PPM1E: variants seen among roughly 807,000 people sequenced by gnomAD.
The protein encoded by PPM1E is protein phosphatase 1E.
PPM1E carries 20 observed loss-of-function variants against 65.9 expected under a neutral mutation model. The observed-to-expected ratio is 0.30, with a 90% CI of 0.21 to 0.44. The LOEUF (loss-of-function observed/expected upper bound fraction) is 0.44. Ranked by LOEUF, PPM1E falls within the 20% of genes least tolerant of loss-of-function variation. PPM1E has a pLI of 1.00. For missense variants in PPM1E, 713 were observed against 953.1 expected (o/e 0.75, Z 3.32); for synonymous variants, 352 against 374.9 (o/e 0.94, Z 0.70).
At chr17:58,910,195 A>T (rs529533049) in intron 1 of PPM1E, among the ~76,000 whole-genome samples, 26 of 151,398 alleles carry the variant, frequency 1.7e-4, no homozygotes, top group South Asian at 1.5e-3. Flanking sequence ...TGTTTTTTTC[A>T]GTCCTTATTT....
At chr17:58,790,357 G>A (rs1488119515) in intron 1 of PPM1E, among the ~76,000 whole-genome samples, 2 of 151,948 alleles carry the variant, frequency 1.3e-5, no homozygotes, top group African/African-American at 2.4e-5. Context: ...TGCCCAGCGC[G>A]GCTCTTGTCT....
At chr17:58,929,407 A>G (rs1441136241) in intron 1 of PPM1E, among the ~76,000 whole-genome samples, 1 of 152,188 alleles carries the variant, frequency 6.6e-6, no homozygotes, top group Non-Finnish European at 1.5e-5. Context: ...CCAAAATTCA[A>G]TGCATGTATA....
At chr17:58,928,702 A>AT (rs138970237) in intron 1 of PPM1E, among the ~76,000 whole-genome samples, 10,708 of 140,472 alleles carry the variant, frequency 0.076, 855 homozygotes, top group African/African-American at 0.2. Context: ...TCACACACGA[A>AT]TTTTTTTTTT....
In PPM1E at chr17:58,759,302, C is replaced by G. The variant is rs148724020; in HGVS notation, c.464+2841C>G. 5.7e-3 allele frequency among the ~76,000 whole-genome samples: 869 copies of G among 152,148 alleles called. 4 individuals carry two copies. The highest frequency in any genetic ancestry group is 9.3e-3 in the African/African-American group (384 of 41,500). ...TTTACTCCTTTCTCTAAGTTTAAATCCCCCAAGAGATTAAAATAATTTCAA... is the reference window on the plus strand; with the variant it reads ...TTTACTCCTTTCTCTAAGTTTAAATGCCCCAAGAGATTAAAATAATTTCAA... On this transcript the variant is annotated intron_variant, in intron 1 of 6. Transcript: ENST00000308249.
At chr17:58,874,645 G>A (rs1332746494) in intron 1 of PPM1E, among the ~76,000 whole-genome samples, 1 of 152,010 alleles carries the variant, frequency 6.6e-6, no homozygotes. Flanking sequence ...GTACTTATGG[G>A]GTCTTTTGAG....
At chr17:58,843,589 C>T (rs1048427400) in intron 1 of PPM1E, among the ~76,000 whole-genome samples, 20 of 151,994 alleles carry the variant, frequency 1.3e-4, no homozygotes, top group Non-Finnish European at 2.8e-4. Flanking sequence ...CTTTGGGAGG[C>T]CGAGGCAAGC....
At chr17:58,976,591 GA>G (rs1291893168) in intron 6 of PPM1E, among the ~76,000 whole-genome samples, 1 of 152,194 alleles carries the variant, frequency 6.6e-6, no homozygotes, top group Admixed American at 6.5e-5. Context: ...AAAGTTGACA[GA>G]GGCATGATAT....
chr17:58,972,946 T>C (rs770432338), intron 6 of PPM1E, 21 bp downstream of exon 6: 11 of 1,589,826 alleles, frequency 6.9e-6, no homozygotes, highest in South Asian at 1.1e-5. Flanking sequence ...CAAATTTTTG[T>C]TTCTCCAAAC....
chr17:58,899,182 A>G (rs1404724469), intron 1 of PPM1E, among the ~76,000 whole-genome samples: 3 of 151,980 alleles, frequency 2.0e-5, no homozygotes, highest in Admixed American at 2.0e-4. Context: ...AAAACAAAAA[A>G]GAATGAAAAA....
At chr17:58,912,182 G>A (rs117536417) in intron 1 of PPM1E, among the ~76,000 whole-genome samples, 156 of 152,226 alleles carry the variant, frequency 1.0e-3, no homozygotes, top group Middle Eastern at 3.4e-3. Flanking sequence ...AGGTATGTTC[G>A]GATATGTCTG....
At chr17:58,799,659 G>A (rs1416319181) in intron 1 of PPM1E, among the ~76,000 whole-genome samples, 1 of 152,164 alleles carries the variant, frequency 6.6e-6, no homozygotes, top group Non-Finnish European at 1.5e-5. Context: ...GGCCAGGCTG[G>A]CCTTGAACTC....
intron 1 of PPM1E, among the ~76,000 whole-genome samples, chr17:58,898,331 G>T (rs867564246): frequency 6.6e-6 from 1 of 151,226 alleles, no homozygotes; most frequent in African/African-American, 2.4e-5. Flanking sequence ...AAACAACCCC[G>T]TCAAAAAGTA....
chr17:58,814,300 T>C (rs987594402), intron 1 of PPM1E, among the ~76,000 whole-genome samples: 3 of 152,178 alleles, frequency 2.0e-5, no homozygotes, highest in Admixed American at 6.5e-5. Flanking sequence ...ACCAATTTTA[T>C]TGAAGGATAA....
chr17:58,965,073 T>TACAC (rs1181922399), intron 2 of PPM1E, among the ~76,000 whole-genome samples: 18 of 148,642 alleles, frequency 1.2e-4, no homozygotes, highest in African/African-American at 3.5e-4. Context: ...AGTATATATA[T>TACAC]ACACACACAC....
At chr17:58,805,187 G>A (rs532622468) in intron 1 of PPM1E, among the ~76,000 whole-genome samples, 2 of 152,160 alleles carry the variant, frequency 1.3e-5, no homozygotes, top group East Asian at 3.9e-4. Flanking sequence ...CTTTAGTGGT[G>A]ATTTCTGAGA....
intron 1 of PPM1E, among the ~76,000 whole-genome samples, chr17:58,791,013 C>T (rs770948054): frequency 5.9e-5 from 9 of 152,004 alleles, no homozygotes; most frequent in Non-Finnish European, 1.0e-4. Flanking sequence ...CCTCAGCCTC[C>T]GGAGTAACTG....
At chr17:58,966,236 T>C (rs955316787) in intron 3 of PPM1E, 3 of 373,902 alleles carry the variant, frequency 8.0e-6, no homozygotes, top group Non-Finnish European at 1.5e-5. Flanking sequence ...ATGATTAGGC[T>C]GGGTGTGGTA....
intron 1 of PPM1E, among the ~76,000 whole-genome samples, chr17:58,820,466 C>T (rs7224276): frequency 0.18 from 28,109 of 152,038 alleles, 2,777 homozygotes; most frequent in Non-Finnish European, 0.21. Context: ...ATGTGCTAAG[C>T]CATGTTCAGG....
intron 1 of PPM1E, among the ~76,000 whole-genome samples, chr17:58,810,921 A>G (rs915320540): frequency 6.6e-6 from 1 of 151,946 alleles, no homozygotes; most frequent in African/African-American, 2.4e-5. Flanking sequence ...ACAGTGGCAC[A>G]ATCTTGGCTC....
Sources: allele counts gnomAD v4.1 joint callset (sites outside exome capture counted in the v4.1 genomes callset), GRCh38; gene constraint gnomAD v4.1.1; transcripts MANE v1.5; gene names NCBI Gene and HGNC (gene_info 2026-07-23, HGNC 2026-07-21).